Variants in TMEM108 observed in about 807,000 individuals in gnomAD.
The protein encoded by TMEM108 is transmembrane protein 108, also known as cancer/testis antigen 124.
In TMEM108, 12 loss-of-function variants were observed where a neutral mutation model predicts 35.1. That is an observed-to-expected ratio of 0.34 (90% CI 0.22 to 0.55). TMEM108 has a LOEUF of 0.55. Ranked by LOEUF, TMEM108 falls within the 20% of genes least tolerant of loss-of-function variation. TMEM108 has a pLI of 0.89. For missense variants in TMEM108, 680 were observed against 753.3 expected, an observed-to-expected ratio of 0.90 and a Z score of 1.14; for synonymous variants, 287 against 308.6, an observed-to-expected ratio of 0.93 and a Z score of 0.73.
At chr3:133,284,746 G>A (rs1009819598) in intron 3 of TMEM108, among the ~76,000 whole-genome samples, 1 of 152,112 alleles carries the variant, frequency 6.6e-6, no homozygotes, top group Non-Finnish European at 1.5e-5. Flanking sequence ...AACCATCCCG[G>A]ATTAATGACA....
intron 2 of TMEM108, among the ~76,000 whole-genome samples, chr3:133,189,425 G>A (rs189720050): frequency 4.6e-5 from 7 of 152,260 alleles, no homozygotes; most frequent in Admixed American, 3.9e-4. Context: ...ATACACATGG[G>A]AAGAGGGGAT....
intron 2 of TMEM108, among the ~76,000 whole-genome samples, chr3:133,222,860 ACT>A (rs1340079568): frequency 1.3e-5 from 2 of 149,720 alleles, no homozygotes; most frequent in African/African-American, 4.9e-5. Context: ...TTTTTTTCTC[ACT>A]CTGTCACCCA....
chr3:133,300,959 T>C (rs1947214061), intron 3 of TMEM108, among the ~76,000 whole-genome samples: 1 of 95,406 alleles, frequency 1.0e-5, no homozygotes, highest in Non-Finnish European at 2.2e-5. Context: ...AAAAATACAA[T>C]TAATACAGAC....
At chr3:133,371,460 A>G (rs1202530295) in intron 3 of TMEM108, among the ~76,000 whole-genome samples, 8 of 152,006 alleles carry the variant, frequency 5.3e-5, no homozygotes, top group Admixed American at 3.3e-4. Flanking sequence ...TCCTTTCCAC[A>G]TGGGCCCCTC....
intron 1 of TMEM108, among the ~76,000 whole-genome samples, chr3:133,038,778 G>A (rs976200327): frequency 6.6e-6 from 1 of 152,206 alleles, no homozygotes; most frequent in Non-Finnish European, 1.5e-5. Flanking sequence ...CTGGACCTGG[G>A]CTGGGGCCGA....
At chr3:133,220,705 A>G (rs1445094682) in intron 2 of TMEM108, among the ~76,000 whole-genome samples, 2 of 152,128 alleles carry the variant, frequency 1.3e-5, no homozygotes, top group Admixed American at 6.5e-5. Flanking sequence ...CTATAATTCA[A>G]TTTTTAATTC....
At chr3:133,109,611 C>T (rs1274316572) in intron 2 of TMEM108, among the ~76,000 whole-genome samples, 1 of 152,170 alleles carries the variant, frequency 6.6e-6, no homozygotes, top group Non-Finnish European at 1.5e-5. Flanking sequence ...GACACAAATA[C>T]CCATTCATTA....
At chr3:133,228,748 T>G (rs1413778505) in intron 2 of TMEM108, among the ~76,000 whole-genome samples, 2 of 152,222 alleles carry the variant, frequency 1.3e-5, no homozygotes, top group Non-Finnish European at 2.9e-5. Flanking sequence ...TTCTTGTTTA[T>G]TTTTATCTGT....
At chr3:133,130,949 G>T (rs974913105) in intron 2 of TMEM108, among the ~76,000 whole-genome samples, 2 of 152,182 alleles carry the variant, frequency 1.3e-5, no homozygotes, top group African/African-American at 4.8e-5. Flanking sequence ...CTGTTAAAAA[G>T]AAATTACTTA....
intron 3 of TMEM108, among the ~76,000 whole-genome samples, chr3:133,286,380 C>T (rs1946985776): frequency 6.6e-6 from 1 of 152,138 alleles, no homozygotes; most frequent in Admixed American, 6.5e-5. Flanking sequence ...GCTGCTCAGG[C>T]TGGTGTAGAG....
chr3:133,384,404 A>C (rs2107850170), intron 4 of TMEM108, among the ~76,000 whole-genome samples: 2 of 120,518 alleles, frequency 1.7e-5, no homozygotes, highest in East Asian at 4.6e-4. Flanking sequence ...AGTAAGGCAG[A>C]TCCCAGGCCT....
rs568961193 is a variant in TMEM108, at chr3:133,065,855, T to TG, written c.-47+19838dup. Among the ~76,000 whole-genome samples the TG allele has an allele frequency of 1.1e-4, 16 of 152,272 alleles. No individual in the cohort carries two copies. The South Asian group carries it at 2.7e-3, about 26-fold the overall frequency. Reference sequence around the variant, plus strand: ...CATCTGAATTTTTCAGTATAATCGTTGGGTTATTAATGCATGGCAATTTTA... The same window carrying TG: ...CATCTGAATTTTTCAGTATAATCGTTGGGGTTATTAATGCATGGCAATTTTA... On this transcript the variant is annotated intron_variant, in intron 2 of 5. Transcript: ENST00000321871.
intron 4 of TMEM108, 95 bp downstream of exon 4, chr3:133,381,256 G>A: frequency 1.5e-6 from 2 of 1,336,424 alleles, no homozygotes; most frequent in Non-Finnish European, 2.0e-6. Context: ...TCCTTGCCAA[G>A]TGGGCTACAA....
At position 133,155,443 on chromosome 3, in the gene TMEM108, A is replaced by T. The variant is rs552985584; in HGVS notation, c.-46-73823A>T. On this transcript the variant is annotated intron_variant, in intron 2 of 5. Transcript: ENST00000321871. ...TTTTTTGAGGAATTACCACATCCAC[A>T]GTGGCTGAACTAATTTACACTCCCA... 4.6e-5 allele frequency among the ~76,000 whole-genome samples: 7 copies of T among 152,244 alleles called. No individual in the cohort carries two copies. The South Asian group carries it at 1.5e-3, about 32-fold the overall frequency.
At chr3:133,244,633 A>G (rs1280918449) in intron 3 of TMEM108, among the ~76,000 whole-genome samples, 6 of 152,244 alleles carry the variant, frequency 3.9e-5, no homozygotes, top group African/African-American at 1.4e-4. Context: ...TGTGGCTTTT[A>G]TAGATGTGGT....
intron 4 of TMEM108, among the ~76,000 whole-genome samples, chr3:133,381,368 GTC>G (rs1260955599): frequency 6.6e-6 from 1 of 152,186 alleles, no homozygotes; most frequent in African/African-American, 2.4e-5. Context: ...TGATCATAAA[GTC>G]ACAACTCCCA....
At chr3:133,295,388 C>T (rs1947130444) in intron 3 of TMEM108, among the ~76,000 whole-genome samples, 1 of 152,092 alleles carries the variant, frequency 6.6e-6, no homozygotes, top group South Asian at 2.1e-4. Flanking sequence ...GTGGTAGGCC[C>T]ATTAGGGAAC....
intron 2 of TMEM108, among the ~76,000 whole-genome samples, chr3:133,180,438 A>G (rs978164234): frequency 4.2e-4 from 64 of 152,268 alleles, no homozygotes; most frequent in African/African-American, 1.4e-3. Flanking sequence ...TTACAAATCA[A>G]TGTAATAATA....
At chr3:133,333,492 A>G (rs948316908) in intron 3 of TMEM108, among the ~76,000 whole-genome samples, 3 of 152,226 alleles carry the variant, frequency 2.0e-5, no homozygotes, top group African/African-American at 7.2e-5. Context: ...CCTGCTATAA[A>G]TTGTCTTTCT....
Sources: allele counts gnomAD v4.1 joint callset (sites outside exome capture counted in the v4.1 genomes callset), GRCh38; gene constraint gnomAD v4.1.1; transcripts MANE v1.5; gene names NCBI Gene and HGNC (gene_info 2026-07-23, HGNC 2026-07-21).